The following TRPM3 variants were observed in gnomAD, a reference collection of about 807,000 sequenced individuals.
TRPM3 encodes long transient receptor potential channel 3.
Under a neutral mutation model 181.2 loss-of-function variants are expected in TRPM3, and 77 were observed. That is an observed-to-expected ratio of 0.42 (90% CI 0.35 to 0.51). The LOEUF (loss-of-function observed/expected upper bound fraction) is 0.51, where lower values mean the gene tolerates loss of function less well. Among genes scored for constraint, TRPM3 ranks in the 20% least tolerant of loss-of-function variants. The probability of loss-of-function intolerance (pLI) is 0.01; values close to 1 mark genes in which losing one functional copy is unlikely to be tolerated. For missense variants in TRPM3, 1,759 were observed against 2,196.7 expected (o/e 0.80, Z 3.98); for synonymous variants, 745 against 796.4 (o/e 0.94, Z 1.09).
At chr9:70,816,633 A>T (rs978301458) in intron 6 of TRPM3, among the ~76,000 whole-genome samples, 3 of 152,250 alleles carry the variant, frequency 2.0e-5, no homozygotes, top group African/African-American at 7.2e-5. Flanking sequence ...AGAAGCATTA[A>T]CATCAAAAGT....
chr9:71,050,375 TTAAC>T (rs1238081078), intron 1 of TRPM3, among the ~76,000 whole-genome samples: 1 of 152,184 alleles, frequency 6.6e-6, no homozygotes, highest in Non-Finnish European at 1.5e-5. Context: ...ATTTGTATCT[TTAAC>T]TAAGGCAGAG....
intron 1 of TRPM3, among the ~76,000 whole-genome samples, chr9:71,382,845 C>A (rs568214735): frequency 1.2e-4 from 19 of 152,072 alleles, no homozygotes; most frequent in African/African-American, 4.3e-4. Flanking sequence ...AGGCATCATA[C>A]TCATCAACCA....
intron 1 of TRPM3, among the ~76,000 whole-genome samples, chr9:71,371,798 C>T (rs1430775970): frequency 1.3e-5 from 2 of 152,126 alleles, no homozygotes; most frequent in Non-Finnish European, 2.9e-5. Context: ...GGTGAAGAGT[C>T]AATCATTTTG....
intron 1 of TRPM3, among the ~76,000 whole-genome samples, chr9:71,049,479 T>C (rs1008988162): frequency 6.6e-6 from 1 of 152,210 alleles, no homozygotes; most frequent in African/African-American, 2.4e-5. Flanking sequence ...ATATCTGAAG[T>C]GAGTTTTAGA....
At chr9:71,340,662 A>G (rs1237755394) in intron 1 of TRPM3, among the ~76,000 whole-genome samples, 1 of 152,106 alleles carries the variant, frequency 6.6e-6, no homozygotes, top group Non-Finnish European at 1.5e-5. Context: ...AGTCTTGGGT[A>G]TGTCTTTATC....
intron 1 of TRPM3, among the ~76,000 whole-genome samples, chr9:71,066,462 C>G (rs995241444): frequency 6.6e-6 from 1 of 152,144 alleles, no homozygotes; most frequent in African/African-American, 2.4e-5. Context: ...TTCCATGACA[C>G]AGGTCTTCCC....
At chr9:71,032,022 TATATAATATAAA>T (rs2057447922) in intron 1 of TRPM3, among the ~76,000 whole-genome samples, 10 of 606 alleles carry the variant, frequency 0.017, 3 homozygotes, top group Middle Eastern at 1. Flanking sequence ...ATAATATATA[TATATAATATAAA>T]TATATATATA....
chr9:70,694,690 C>T (rs1047448157), intron 8 of TRPM3, among the ~76,000 whole-genome samples: 8 of 152,114 alleles, frequency 5.3e-5, no homozygotes, highest in Admixed American at 2.6e-4. Flanking sequence ...CCATGTTAGC[C>T]CGGATGGTCT....
intron 1 of TRPM3, among the ~76,000 whole-genome samples, chr9:70,967,011 CA>C (rs1315024433): frequency 5.2e-5 from 7 of 135,300 alleles, no homozygotes; most frequent in African/African-American, 1.9e-4. Context: ...AATTGGGTAA[CA>C]AAGCAAAAAC....
At chr9:71,431,928 A>G (rs2093960319) in intron 1 of TRPM3, among the ~76,000 whole-genome samples, 1 of 152,150 alleles carries the variant, frequency 6.6e-6, no homozygotes, top group African/African-American at 2.4e-5. Context: ...TTCACACACA[A>G]TTACTGAGTT....
chr9:70,919,806 C>T (rs1422462136), intron 1 of TRPM3, among the ~76,000 whole-genome samples: 1 of 151,694 alleles, frequency 6.6e-6, no homozygotes, highest in Non-Finnish European at 1.5e-5. Flanking sequence ...AAAAATCTTC[C>T]ATCCCACCAT....
chr9:71,408,573 G>A lies in TRPM3; in HGVS notation c.183+38080C>T, dbSNP rs567750943. Among the ~76,000 whole-genome samples, 30 of 152,242 alleles carry A rather than the reference G, an allele frequency of 2.0e-4. No individual in the cohort carries two copies. The East Asian group carries it at 5.6e-3, about 28-fold the overall frequency. On this transcript the variant is annotated intron_variant, in intron 1 of 24. Coordinates refer to the TRPM3 transcript ENST00000357533. ...TAGAGGAAAAAGAGTAAAAAGAAAT[G>A]AACAAAGCCTCCAAGAAACATGGGA...
chr9:71,157,932 A>C (rs1435613207), intron 1 of TRPM3, among the ~76,000 whole-genome samples: 1 of 152,170 alleles, frequency 6.6e-6, no homozygotes, highest in African/African-American at 2.4e-5. Context: ...AAGAGGACAG[A>C]TTGTCAAAAA....
chr9:71,130,989 T>C (rs1164872669), intron 1 of TRPM3, among the ~76,000 whole-genome samples: 1 of 152,190 alleles, frequency 6.6e-6, no homozygotes, highest in Non-Finnish European at 1.5e-5. Context: ...TTTACTTTTA[T>C]GAAAACACCA....
intron 1 of TRPM3, among the ~76,000 whole-genome samples, chr9:71,256,287 A>G (rs546397789): frequency 3.9e-5 from 6 of 152,264 alleles, no homozygotes; most frequent in African/African-American, 7.2e-5. Flanking sequence ...TGATTTCATT[A>G]TAGTCCTAAC....
At chr9:70,853,237 G>A (rs926437494) in intron 3 of TRPM3, among the ~76,000 whole-genome samples, 4 of 152,218 alleles carry the variant, frequency 2.6e-5, no homozygotes, top group African/African-American at 9.6e-5. Flanking sequence ...ATCAGAGCTA[G>A]TTATTCAACA....
At chr9:71,435,762 A>T (rs1452387227) in intron 1 of TRPM3, among the ~76,000 whole-genome samples, 1 of 152,212 alleles carries the variant, frequency 6.6e-6, no homozygotes, top group Non-Finnish European at 1.5e-5. Flanking sequence ...GCTACTTTAC[A>T]TGTCAATGGG....
intron 1 of TRPM3, among the ~76,000 whole-genome samples, chr9:71,128,255 T>C (rs1369644171): frequency 6.6e-6 from 1 of 152,154 alleles, no homozygotes; most frequent in Non-Finnish European, 1.5e-5. Context: ...ATATAAAAGG[T>C]CTCACTTTGG....
intron 1 of TRPM3, among the ~76,000 whole-genome samples, chr9:71,126,930 T>A (rs1350111119): frequency 6.6e-6 from 1 of 152,090 alleles, no homozygotes; most frequent in Non-Finnish European, 1.5e-5. Flanking sequence ...AACTTCCAAG[T>A]CAAGTTTTTC....
Sources: gnomAD v4.1 joint callset for allele counts (sites outside exome capture counted in the v4.1 genomes callset) on GRCh38, gnomAD v4.1.1 for gene constraint, MANE v1.5 for transcripts, NCBI Gene and HGNC (gene_info 2026-07-23, HGNC 2026-07-21) for gene names.